HS6ST2: variants seen among roughly 807,000 people sequenced by gnomAD.
HS6ST2 encodes the protein heparan-sulfate 6-O-sulfotransferase 2.
HS6ST2 carries 17 observed loss-of-function variants against 33.0 expected under a neutral mutation model. The observed-to-expected ratio is 0.52, with a 90% confidence interval of 0.35 to 0.77. The LOEUF is 0.77. HS6ST2 is among the 30% of genes least tolerant of loss of function. The probability of loss-of-function intolerance (pLI) is 0.01; values close to 1 mark genes in which losing one functional copy is unlikely to be tolerated. For missense variants in HS6ST2, 519 were observed against 551.7 expected, an observed-to-expected ratio of 0.94 and a Z score of 0.59; for synonymous variants, 248 against 237.1, an observed-to-expected ratio of 1.05 and a Z score of -0.42.
At chrX:132,929,732 C>T (rs1395872383) in intron 2 of HS6ST2, among the ~76,000 whole-genome samples, 1 of 111,349 alleles carries the variant, frequency 9.0e-6, no homozygotes, top group African/African-American at 3.3e-5. Context: ...ACTGATGGAA[C>T]TAAAAGGAGA....
At chrX:132,775,585 C>T (rs189654574) in intron 2 of HS6ST2, among the ~76,000 whole-genome samples, 132 of 111,669 alleles carry the variant, frequency 1.2e-3, no homozygotes, top group Non-Finnish European at 1.4e-3. Flanking sequence ...GTTGTTTCTG[C>T]TTCTTTCCTA....
intron 2 of HS6ST2, among the ~76,000 whole-genome samples, chrX:132,786,715 G>A (rs975606482): frequency 5.5e-5 from 6 of 108,193 alleles, no homozygotes; most frequent in Admixed American, 3.0e-4. Flanking sequence ...TCCGGCTCCC[G>A]GTTTCAAGTG....
chrX:132,680,431 T>C (rs934035661), intron 3 of HS6ST2, among the ~76,000 whole-genome samples: 2 of 111,254 alleles, frequency 1.8e-5, no homozygotes, highest in Non-Finnish European at 3.8e-5. Context: ...TAGTTGGCAA[T>C]TGGATAGACG....
intron 2 of HS6ST2, among the ~76,000 whole-genome samples, chrX:132,923,612 A>G (rs2066678899): frequency 8.9e-6 from 1 of 111,937 alleles, no homozygotes; most frequent in African/African-American, 3.2e-5. Context: ...CATATTTTTC[A>G]ATACAGCTCA....
At chrX:132,810,390 T>C (rs759502661) in intron 2 of HS6ST2, among the ~76,000 whole-genome samples, 2 of 101,499 alleles carry the variant, frequency 2.0e-5, no homozygotes, top group Admixed American at 1.1e-4. Flanking sequence ...TGGGTGACAG[T>C]GAGATCATGA....
At chrX:132,708,558 A>G (rs2064205358) in intron 2 of HS6ST2, 64 bp from the exon 3 acceptor site, 1 of 996,942 alleles carries the variant, frequency 1.0e-6, no homozygotes. Context: ...ATAAAATAAT[A>G]AAAGTTTTCC....
chrX:132,958,537 G>C lies in HS6ST2; in HGVS notation c.66C>G (p.Pro22=), dbSNP rs1489922829. 7.9e-5 allele frequency: 94 copies of C among 1,183,246 alleles called. No homozygotes were observed. The highest frequency in any genetic ancestry group is 9.4e-5 in the Non-Finnish European group (83 of 881,932). ...EPPRQPERGA[P]VRTTCPRRHS... is the part of the protein sequence containing the mutation. ...GCCGGCGGGGACAGGTGGTGCGGAC[G>C]GGCGCTCCTCGCTCCGGTTGCCGCG... The change falls in exon 1 of 5, where the codon CCC becomes CCG. Residue 22 remains proline (P), a synonymous_variant. Transcript: ENST00000370833.
chrX:132,848,501 C>T (rs1444570004), intron 2 of HS6ST2, among the ~76,000 whole-genome samples: 1 of 112,520 alleles, frequency 8.9e-6, no homozygotes, highest in Non-Finnish European at 1.9e-5. Flanking sequence ...TTCTACTTTC[C>T]TGGCACTTAG....
At chrX:132,915,958 C>A (rs1226706509) in intron 2 of HS6ST2, among the ~76,000 whole-genome samples, 1 of 109,545 alleles carries the variant, frequency 9.1e-6, no homozygotes, top group Non-Finnish European at 1.9e-5. Context: ...TGGTCTCGAA[C>A]TCCTGACCTC....
In HS6ST2 at chrX:132,628,082, C is replaced by A. The variant is rs767963963; in HGVS notation, c.*141G>T. 6.2e-4 allele frequency: 283 copies of A among 455,857 alleles called. No individual in the cohort carries two copies. Among genetic ancestry groups the A allele is most frequent in the African/African-American group, 5.9e-3 (243 of 40,862 alleles). The allele number at this position is 455,857 out of a possible 1,213,427, so 37.6% of individuals were successfully genotyped here. A position where few individuals can be genotyped will look rare whatever the true frequency, so the allele number is the denominator to read the frequency against. On this transcript the variant is annotated 3_prime_UTR_variant, in exon 5 of 5. Coordinates refer to ENST00000370833, the MANE Select transcript of HS6ST2 (RefSeq NM_001394073.1). ...AGTATAACACTGAATTGAAAGGCAA[C>A]TGTAAAGGCAACATCTAAACTTTTT...
intron 2 of HS6ST2, among the ~76,000 whole-genome samples, chrX:132,862,992 C>T (rs777201929): frequency 2.7e-5 from 3 of 112,301 alleles, no homozygotes; most frequent in African/African-American, 9.7e-5. Flanking sequence ...TCAAGGTGAA[C>T]AAGCAGGGCC....
intron 2 of HS6ST2, among the ~76,000 whole-genome samples, chrX:132,943,167 G>C (rs892672806): frequency 8.9e-6 from 1 of 111,794 alleles, no homozygotes; most frequent in Non-Finnish European, 1.9e-5. Context: ...TAATATGTTG[G>C]ATCTTGGTAT....
At chrX:132,910,155 C>T (rs184902501) in intron 2 of HS6ST2, among the ~76,000 whole-genome samples, 13 of 112,073 alleles carry the variant, frequency 1.2e-4, no homozygotes, top group Admixed American at 2.8e-4. Flanking sequence ...ACATTTTATT[C>T]GTTTCTTTCT....
At chrX:132,916,055 G>A (rs2066586597) in intron 2 of HS6ST2, among the ~76,000 whole-genome samples, 1 of 111,442 alleles carries the variant, frequency 9.0e-6, no homozygotes, top group South Asian at 3.8e-4. Flanking sequence ...CTTTTAATAA[G>A]ATGGGTTTAC....
intron 2 of HS6ST2, among the ~76,000 whole-genome samples, chrX:132,881,292 T>C (rs2066169886): frequency 9.1e-6 from 1 of 110,343 alleles, no homozygotes; most frequent in Non-Finnish European, 1.9e-5. Flanking sequence ...GCACCTGTTG[T>C]TTCCTGACTT....
chrX:132,768,862 C>T (rs946267200), intron 2 of HS6ST2, among the ~76,000 whole-genome samples: 2 of 112,638 alleles, frequency 1.8e-5, no homozygotes, highest in Non-Finnish European at 3.7e-5. Context: ...TACTCCTTTT[C>T]ACGTTTCATC....
chrX:132,733,040 A>G (rs1384269277), intron 2 of HS6ST2, among the ~76,000 whole-genome samples: 1 of 112,113 alleles, frequency 8.9e-6, no homozygotes, highest in Non-Finnish European at 1.9e-5. Flanking sequence ...GTTTTAGGCC[A>G]AGCAATCACC....
At chrX:132,847,002 A>G (rs922528752) in intron 2 of HS6ST2, among the ~76,000 whole-genome samples, 6 of 111,627 alleles carry the variant, frequency 5.4e-5, no homozygotes, top group African/African-American at 2.0e-4. Flanking sequence ...TGGTATTAAT[A>G]GTCCATCAGA....
chrX:132,628,729 G>A lies in HS6ST2; in HGVS notation c.1432C>T (p.Arg478Trp). ...MAFFGLTEFQRKTQYLFEKTF... is the reference protein window; with the variant it reads ...MAFFGLTEFQWKTQYLFEKTF... ...TTCTCAAACAGATATTGGGTCTTCCGCTGAAACTCAGTGAGGCCGAAGAAC... is the reference window on the plus strand; with the variant it reads ...TTCTCAAACAGATATTGGGTCTTCCACTGAAACTCAGTGAGGCCGAAGAAC... The change falls in exon 5 of 5, where the codon CGG (arginine) becomes TGG (tryptophan). Residue 478 changes from arginine to tryptophan, a missense_variant. Transcript: ENST00000370833. 3.3e-6 allele frequency: 4 copies of A among 1,211,514 alleles called. No individual in the cohort carries two copies. The highest frequency in any genetic ancestry group is 4.5e-6 in the Non-Finnish European group (4 of 895,388).
Sources: gnomAD v4.1 joint callset for allele counts (sites outside exome capture counted in the v4.1 genomes callset) on GRCh38, gnomAD v4.1.1 for gene constraint, MANE v1.5 for transcripts, NCBI Gene and HGNC (gene_info 2026-07-23, HGNC 2026-07-21) for gene names.